The following SCN1A variants were observed in gnomAD, a reference collection of about 807,000 sequenced individuals.
The protein encoded by SCN1A is sodium channel protein type 1 subunit alpha.
Under a neutral mutation model 193.7 loss-of-function variants are expected in SCN1A, and 13 were observed. The observed-to-expected ratio is 0.07, with a 90% confidence interval of 0.04 to 0.11. The LOEUF (loss-of-function observed/expected upper bound fraction) is 0.11, where lower values mean the gene tolerates loss of function less well. Ranked by LOEUF, SCN1A falls within the 10% of genes least tolerant of loss-of-function variation. SCN1A has a pLI of 1.00. For synonymous variants in SCN1A, 781 were observed against 843.6 expected (o/e 0.93, Z 1.29); for missense variants, 1,432 against 2,451.1 (o/e 0.58, Z 8.78).
intron 19 of SCN1A, among the ~76,000 whole-genome samples, chr2:166,026,777 A>G (rs572671115): frequency 5.8e-5 from 8 of 137,304 alleles, no homozygotes; most frequent in Admixed American, 1.7e-4. Flanking sequence ...TCCGCCTCCC[A>G]GGTTCATGTC....
At chr2:166,118,947 G>A (rs1437788129) in intron 2 of SCN1A, among the ~76,000 whole-genome samples, 1 of 152,206 alleles carries the variant, frequency 6.6e-6, no homozygotes, top group Non-Finnish European at 1.5e-5. Flanking sequence ...GAAGACAGTT[G>A]TTCCACGGAC....
At chr2:166,148,701 C>G (rs889245033) in intron 1 of SCN1A, among the ~76,000 whole-genome samples, 2 of 152,118 alleles carry the variant, frequency 1.3e-5, no homozygotes, top group African/African-American at 2.4e-5. Flanking sequence ...ACAAGGGCAA[C>G]GTAACAGCCA....
chr2:166,011,584 A>G (rs1574048459), intron 22 of SCN1A, among the ~76,000 whole-genome samples: 1 of 151,240 alleles, frequency 6.6e-6, no homozygotes, highest in East Asian at 1.9e-4. Context: ...ATAATCTACT[A>G]TTTAAATCTA....
intron 20 of SCN1A, among the ~76,000 whole-genome samples, chr2:166,015,394 C>T (rs1693133457): frequency 6.6e-6 from 1 of 151,790 alleles, no homozygotes; most frequent in Non-Finnish European, 1.5e-5. Flanking sequence ...AAATATTTTT[C>T]CTCCATGTTC....
intron 2 of SCN1A, among the ~76,000 whole-genome samples, chr2:166,111,308 C>T (rs1689267660): frequency 6.6e-6 from 1 of 151,986 alleles, no homozygotes; most frequent in African/African-American, 2.4e-5. Context: ...AATCCTAGGG[C>T]CCTTAAGAAG....
chr2:165,996,659 G>T (rs1327036430), intron 26 of SCN1A, among the ~76,000 whole-genome samples: 1 of 151,392 alleles, frequency 6.6e-6, no homozygotes, highest in Non-Finnish European at 1.5e-5. Flanking sequence ...AGCATAGTAA[G>T]TATGGGACAG....
At chr2:166,036,638 A>T (rs1373564513) in intron 18 of SCN1A, 108 bp from the exon 19 acceptor site, 14 of 1,145,968 alleles carry the variant, frequency 1.2e-5, no homozygotes, top group Admixed American at 2.2e-5. Context: ...AAGTTCTAAA[A>T]CTTGATGAGA....
chr2:166,071,213 A>C (rs1440448944), intron 4 of SCN1A, among the ~76,000 whole-genome samples: 1 of 152,208 alleles, frequency 6.6e-6, no homozygotes, highest in African/African-American at 2.4e-5. Flanking sequence ...CTGCATTTTT[A>C]CTTTTCTTAT....
chr2:166,083,773 ATAATT>A (rs1246857902), intron 2 of SCN1A, among the ~76,000 whole-genome samples: 1 of 152,214 alleles, frequency 6.6e-6, no homozygotes, highest in Non-Finnish European at 1.5e-5. Flanking sequence ...CATAGTCAGA[ATAATT>A]TAAGGGAATT....
intron 2 of SCN1A, among the ~76,000 whole-genome samples, chr2:166,113,727 A>G (rs1409154460): frequency 6.6e-6 from 1 of 152,156 alleles, no homozygotes; most frequent in East Asian, 1.9e-4. Context: ...GAAGGGTAGT[A>G]GGTGCAAGGT....
intron 13 of SCN1A, among the ~76,000 whole-genome samples, chr2:166,044,593 G>C (rs1697569824): frequency 6.6e-6 from 1 of 152,120 alleles, no homozygotes; most frequent in Non-Finnish European, 1.5e-5. Flanking sequence ...TGTGCCTTTT[G>C]ATCAAGTGTA....
intron 11 of SCN1A, 66 bp from the exon 12 acceptor site, chr2:166,047,042 A>G (rs1384794330): frequency 5.8e-6 from 9 of 1,550,896 alleles, no homozygotes; most frequent in Middle Eastern, 1.7e-4. Flanking sequence ...TCAACTTTCA[A>G]TTTACTCATG....
intron 2 of SCN1A, among the ~76,000 whole-genome samples, chr2:166,096,125 A>C (rs1687348622): frequency 2.0e-5 from 3 of 152,236 alleles, no homozygotes; most frequent in Admixed American, 6.5e-5. Flanking sequence ...GTATTTAATA[A>C]AATGCAAATT....
intron 1 of SCN1A, chr2:166,148,988 T>A (rs1342056663): frequency 6.6e-6 from 1 of 152,224 alleles, no homozygotes; most frequent in Non-Finnish European, 1.5e-5. Flanking sequence ...TCAGCATGAC[T>A]GACAGGCATC....
chr2:165,993,063 C>T (rs908562979), intron 28 of SCN1A: 14 of 151,912 alleles, frequency 9.2e-5, no homozygotes, highest in African/African-American at 3.4e-4. Flanking sequence ...TTATTTTCAG[C>T]TTCTCTCTCC....
intron 14 of SCN1A, among the ~76,000 whole-genome samples, chr2:166,043,318 C>T (rs1381952126): frequency 6.6e-6 from 1 of 152,038 alleles, no homozygotes; most frequent in Non-Finnish European, 1.5e-5. Flanking sequence ...TATTACATAC[C>T]CTTGACACTT....
chr2:165,985,016 C>T (rs371672259), downstream of SCN1A: 3 of 152,128 alleles, frequency 2.0e-5, no homozygotes, highest in East Asian at 3.9e-4. Flanking sequence ...AGAGCCCTGG[C>T]TTTAGAAACT....
At chr2:166,070,129 G>T (rs1438494113) in intron 4 of SCN1A, among the ~76,000 whole-genome samples, 1 of 152,032 alleles carries the variant, frequency 6.6e-6, no homozygotes, top group East Asian at 1.9e-4. Context: ...AATTAGAAAA[G>T]AAAATTAAAG....
rs541847495 is a variant in SCN1A, at chr2:166,097,184, G to A, written c.-141-19383C>T. On this transcript the variant is annotated intron_variant, in intron 2 of 28. Transcript: ENST00000674923. Reference sequence around the variant, plus strand: ...CTACAGGTGCATGCCACCACACCTGGCTAATTTTTTGTATTTTAGTAGACA... The same window carrying A: ...CTACAGGTGCATGCCACCACACCTGACTAATTTTTTGTATTTTAGTAGACA... 4.3e-4 allele frequency among the ~76,000 whole-genome samples: 65 copies of A among 152,120 alleles called. 1 individual carries two copies. Among genetic ancestry groups the A allele is most frequent in the African/African-American group, 1.5e-3 (62 of 41,500 alleles).
Sources: gnomAD v4.1 joint callset for allele counts (sites outside exome capture counted in the v4.1 genomes callset) on GRCh38, gnomAD v4.1.1 for gene constraint, MANE v1.5 for transcripts, NCBI Gene and HGNC (gene_info 2026-07-23, HGNC 2026-07-21) for gene names.